GAS2L2: variants seen among roughly 807,000 people sequenced by gnomAD.
GAS2L2 encodes GAS2-like protein 2.
Under a neutral mutation model 35.2 loss-of-function variants are expected in GAS2L2, and 21 were observed. The ratio of observed to expected loss-of-function variants is 0.60; its 90% confidence interval spans 0.42 to 0.86. The LOEUF is 0.86. Ranked by LOEUF, GAS2L2 falls within the 40% of genes least tolerant of loss-of-function variation. The probability of loss-of-function intolerance (pLI) is 0.00; values close to 1 mark genes in which losing one functional copy is unlikely to be tolerated. For missense variants in GAS2L2, 1,169 were observed against 1,144.4 expected (o/e 1.02, Z -0.31); for synonymous variants, 490 against 473.2 (o/e 1.04, Z -0.46).
rs143661487 is a variant in GAS2L2, at chr17:35,746,373, G to C, written c.1124C>G (p.Pro375Arg). ...GCTGGGTGGGCTGTCCCCAGCTGTCGGCTGCCTCCAAGATGGGATGAGAGA... is the reference window on the plus strand; with the variant it reads ...GCTGGGTGGGCTGTCCCCAGCTGTCCGCTGCCTCCAAGATGGGATGAGAGA... ...ERSLIPSWRQPTAGDSPPSPQ... is the reference protein window; with the variant it reads ...ERSLIPSWRQRTAGDSPPSPQ... The change falls in exon 6 of 6, where the codon CCG (proline) becomes CGG (arginine). Residue 375 changes from proline (P) to arginine (R), a missense_variant. Physicochemically the swap from Pro to Arg is moderately radical, Grantham distance 103. Coordinates refer to ENST00000604641, the MANE Select transcript of GAS2L2 (RefSeq NM_139285.4). The C allele has an allele frequency of 1.5e-6, 2 of 1,351,156 alleles. 1 individual carries two copies. Among genetic ancestry groups the C allele is most frequent in the Middle Eastern group, 4.0e-4 (2 of 5,044 alleles). 83.7% of individuals were successfully genotyped at this position (1,351,156 alleles called of 1,614,324 possible). A position where few individuals can be genotyped will look rare whatever the true frequency, so the allele number is the denominator to read the frequency against.
At chr17:35,751,142 GA>G (rs2085700857) in intron 1 of GAS2L2, among the ~76,000 whole-genome samples, 4 of 152,090 alleles carry the variant, frequency 2.6e-5, no homozygotes, top group African/African-American at 9.7e-5. Flanking sequence ...CAAGGCCAAT[GA>G]GATGAAGGAT....
Position 35,749,226 on chromosome 17 carries a change from G to T in GAS2L2, c.628-9C>A. On this transcript the variant is annotated splice_polypyrimidine_tract_variant and intron_variant, in intron 2 of 5. Coordinates refer to ENST00000604641, the MANE Select transcript of GAS2L2 (RefSeq NM_139285.4). ...CTCACAAGGCTCTGCACCTGCGGGC[G>T]GGTGGTGAACTCAGCCCTCTCCTTT... The T allele has an allele frequency of 6.3e-7, 1 of 1,595,642 alleles. No individual in the cohort carries two copies. Among genetic ancestry groups the T allele is most frequent in the African/African-American group, 1.3e-5 (1 of 74,612 alleles).
chr17:35,752,425 G>C, intron 1 of GAS2L2, 41 bp downstream of exon 1: 1 of 1,528,352 alleles, frequency 6.5e-7, no homozygotes, highest in Non-Finnish European at 8.8e-7. Context: ...TACCCCCCAA[G>C]ATAAGCATCT....
rs782752408 is a variant in GAS2L2, at chr17:35,746,358, C to A, written c.1139G>T (p.Ser380Ile). 2.9e-5 allele frequency: 39 copies of A among 1,357,758 alleles called. 1 individual carries two copies. Among genetic ancestry groups the A allele is most frequent in the Non-Finnish European group, 3.7e-5 (39 of 1,047,446 alleles). The allele number at this position is 1,357,758 out of a possible 1,614,324, so 84.1% of individuals were successfully genotyped here. A position where few individuals can be genotyped will look rare whatever the true frequency, so the allele number is the denominator to read the frequency against. Reference sequence around the variant, plus strand: ...AGATGAGGACTGGGGGCTGGGTGGGCTGTCCCCAGCTGTCGGCTGCCTCCA... The same window carrying A: ...AGATGAGGACTGGGGGCTGGGTGGGATGTCCCCAGCTGTCGGCTGCCTCCA... ...PSWRQPTAGD[S>I]PPSPQSSSTQ... The change falls in exon 6 of 6, where the codon AGC becomes ATC. Residue 380 changes from serine (S) to isoleucine (I), a missense_variant. Physicochemically the swap from Ser to Ile is moderately radical, Grantham distance 142. Around this residue, in one of 3 missense-constraint regions of GAS2L2, gnomAD observed 1,035 missense variants for 976.5 expected, o/e 1.06. Transcript: ENST00000604641.
At chr17:35,747,714 C>G (rs1307320191) in intron 4 of GAS2L2, 135 bp downstream of exon 4, 4 of 692,946 alleles carry the variant, frequency 5.8e-6, no homozygotes, top group Non-Finnish European at 1.0e-5. Context: ...CTTCCTCCAG[C>G]CTCCCCCACA....
In GAS2L2 at chr17:35,745,560, T is replaced by C; in HGVS notation, c.1937A>G (p.Glu646Gly). ...YIPRLAGQWPEPGGPYDKAIQ... is the reference protein window; with the variant it reads ...YIPRLAGQWPGPGGPYDKAIQ... Reference sequence around the variant, plus strand: ...GGCTTTGTCATAAGGACCCCCAGGCTCAGGCCACTGCCCAGCCAGCCTGGG... The same window carrying C: ...GGCTTTGTCATAAGGACCCCCAGGCCCAGGCCACTGCCCAGCCAGCCTGGG... The change falls in exon 6 of 6, where the codon GAG becomes GGG. Residue 646 changes from glutamate to glycine, a missense_variant. This residue lies in a region of GAS2L2 where 1,035 missense variants were observed against 976.5 expected (regional missense o/e 1.06). Coordinates refer to ENST00000604641, the MANE Select transcript of GAS2L2 (RefSeq NM_139285.4). The C allele has an allele frequency of 6.2e-7, 1 of 1,613,654 alleles. No individual in the cohort carries two copies. Among genetic ancestry groups the C allele is most frequent in the Non-Finnish European group, 8.5e-7 (1 of 1,179,942 alleles).
rs782135675 is a variant in GAS2L2 at position 35,747,208 on chromosome 17, A to G, written c.893T>C (p.Val298Ala). 1 of 1,613,830 alleles carries G rather than the reference A, an allele frequency of 6.2e-7. No individual in the cohort carries two copies. Residue 298 changes from valine to alanine, a missense_variant, in exon 5 of 6, where the codon GTA (valine) becomes GCA (alanine). Transcript: ENST00000604641. ...CTGGGTCTGTGAGGGTCCATCCTGT[A>G]CCCTTACTTCATGCTGCACTGGTGG... is the stretch of plus-strand genomic sequence containing the variant. ...PAPPVQHEVR[V>A]QDGPSQTQPT...
rs782814341 is a variant in GAS2L2 at position 35,745,676 on chromosome 17, C to A, written c.1821G>T (p.Glu607Asp). Residue 607 changes from glutamate (E) to aspartate (D), a missense_variant, in exon 6 of 6, where the codon GAG becomes GAT. Glu to Asp is a conservative substitution (Grantham distance 45). Coordinates refer to ENST00000604641, the MANE Select transcript of GAS2L2 (RefSeq NM_139285.4). Reference protein sequence around the residue: ...EQAIYCSLEEEILGNMKLLEV... With the variant: ...EQAIYCSLEEDILGNMKLLEV... ...CTAGCAGCTTCATGTTGCCCAAAAT[C>A]TCCTCTTCAAGGCTACAGTAGATGG... The A allele has an allele frequency of 4.9e-5, 79 of 1,613,916 alleles. No individual in the cohort carries two copies. Among genetic ancestry groups the A allele is most frequent in the Non-Finnish European group, 6.4e-5 (76 of 1,180,052 alleles).
Position 35,746,213 on chromosome 17 carries a change from C to G in GAS2L2, c.1284G>C (p.Trp428Cys). 6.8e-7 allele frequency: 1 copy of G among 1,480,814 alleles called. No homozygotes were observed. Among genetic ancestry groups the G allele is most frequent in the Non-Finnish European group, 9.0e-7 (1 of 1,114,596 alleles). The allele number at this position is 1,480,814 out of a possible 1,614,324, so 91.7% of individuals were successfully genotyped here. Residue 428 changes from tryptophan to cysteine, a missense_variant, in exon 6 of 6, where the codon TGG (tryptophan) becomes TGC (cysteine). Coordinates refer to ENST00000604641, the MANE Select transcript of GAS2L2 (RefSeq NM_139285.4). The stretch of plus-strand genomic sequence containing the variant: ...GGGTGGGGTTCCCGGCGTCGGTTCC[C>G]CAGCTGTCTGTTTCTTCATGAACCC... The part of the protein sequence containing the change: ...TSWVHEETDS[W>C]GTDAGNPTPQ...
At chr17:35,747,766 T>TCCAGCCTCCCAA in intron 4 of GAS2L2, 83 bp downstream of exon 4, 2 of 1,119,122 alleles carry the variant, frequency 1.8e-6, no homozygotes, top group Non-Finnish European at 2.7e-6. Flanking sequence ...CAGACATACC[T>TCCAGCCTCCCAA]CCCACCTCTG....
chr17:35,749,344 A>AGGG (rs1189304408), intron 2 of GAS2L2, 127 bp from the exon 3 acceptor site: 4 of 624,478 alleles, frequency 6.4e-6, no homozygotes, highest in East Asian at 5.5e-5. Context: ...AGAAGCAAGG[A>AGGG]GGGAGTAGAT....
chr17:35,752,366 C>T (rs2085708809), intron 1 of GAS2L2, 100 bp downstream of exon 1: 6 of 1,219,876 alleles, frequency 4.9e-6, no homozygotes, highest in Non-Finnish European at 3.4e-6. Context: ...GAATGAGGAT[C>T]CAGGCTCCTG....
chr17:35,748,038 T>G, intron 3 of GAS2L2, 93 bp from the exon 4 acceptor site: 1 of 867,486 alleles, frequency 1.2e-6, no homozygotes, highest in South Asian at 1.5e-5. Flanking sequence ...TCAGGGATGC[T>G]CTCATCCATG....
chr17:35,744,898 G>A lies in GAS2L2; in HGVS notation c.2599C>T (p.Leu867Phe), dbSNP rs148201681. ...QPPEGLQPHW[L>F]NQAPLPPEEE... ...TCAGGTGGAAGTGGAGCTTGATTAA[G>A]CCAGTGAGGTTGCAGGCCCTCTGGA... Residue 867 changes from leucine to phenylalanine, a missense_variant, in exon 6 of 6, where the codon CTT becomes TTT. Transcript: ENST00000604641. 24 of 1,609,276 alleles carry A rather than the reference G, an allele frequency of 1.5e-5. No homozygotes were observed. In the African/African-American group the frequency reaches 2.8e-4, roughly 19 times the overall value.
intron 1 of GAS2L2, among the ~76,000 whole-genome samples, chr17:35,752,180 C>G (rs2143023209): frequency 6.6e-6 from 1 of 152,310 alleles, no homozygotes. Flanking sequence ...GGGTCTCTTT[C>G]CTCTCTTTCC....
Position 35,744,728 on chromosome 17 carries a change from T to C in GAS2L2, c.*126A>G. ...GCAGATGGAGTCTATATTTGTCTTC[T>C]GACCCACTCCTGCCCAAGGCCCTGT... On this transcript the variant is annotated 3_prime_UTR_variant, in exon 6 of 6. Coordinates refer to ENST00000604641, the MANE Select transcript of GAS2L2 (RefSeq NM_139285.4). 1.4e-6 allele frequency: 1 copy of C among 732,852 alleles called. No homozygotes were observed. The highest frequency in any genetic ancestry group is 2.2e-6 in the Non-Finnish European group (1 of 449,746). The allele number at this position is 732,852 out of a possible 1,614,324, so 45.4% of individuals were successfully genotyped here. A position where few individuals can be genotyped will look rare whatever the true frequency, so the allele number is the denominator to read the frequency against.
rs1555599612 is a variant in GAS2L2 at position 35,750,275 on chromosome 17, G to C, written c.429C>G (p.Asn143Lys). The change falls in exon 2 of 6, where the codon AAC becomes AAG. Residue 143 changes from asparagine to lysine, a missense_variant. Asn to Lys is a moderately conservative substitution (Grantham distance 94). Coordinates refer to ENST00000604641, the MANE Select transcript of GAS2L2 (RefSeq NM_139285.4). Reference sequence around the variant, plus strand: ...GCAAACACAGCACCACGTTCTTCACGTTCTTGCGCAGCACCAAGTCCTCCG... The same window carrying C: ...GCAAACACAGCACCACGTTCTTCACCTTCTTGCGCAGCACCAAGTCCTCCG... ...FETEDLVLRKNVKNVVLCLLE... is the reference protein window; with the variant it reads ...FETEDLVLRKKVKNVVLCLLE... 1 of 1,613,946 alleles carries C rather than the reference G, an allele frequency of 6.2e-7. No individual in the cohort carries two copies. Among genetic ancestry groups the C allele is most frequent in the East Asian group, 2.2e-5 (1 of 44,876 alleles).
At position 35,752,868 on chromosome 17, in the gene GAS2L2, G is replaced by A; in HGVS notation, c.-18C>T. The stretch of plus-strand genomic sequence containing the variant: ...TGGGACATGGCTGGACCCCAGCAGG[G>A]CAGGAGGTGGGCACCTCCCCTCTCC... On this transcript the variant is annotated 5_prime_UTR_variant, in exon 1 of 6. Transcript: ENST00000604641. 6.4e-7 allele frequency: 1 copy of A among 1,571,204 alleles called. No homozygotes were observed. Among genetic ancestry groups the A allele is most frequent in the South Asian group, 1.1e-5 (1 of 88,520 alleles).
chr17:35,747,729 C>A, intron 4 of GAS2L2, 120 bp downstream of exon 4: 1 of 782,770 alleles, frequency 1.3e-6, no homozygotes, highest in Non-Finnish European at 2.2e-6. Context: ...CCCACACCTC[C>A]CCACCTACCG....
Sources: gnomAD v4.1 joint callset for allele counts (sites outside exome capture counted in the v4.1 genomes callset) on GRCh38, gnomAD v4.1.1 for gene constraint, gnomAD v4.1.1 regional missense constraint, MANE v1.5 for transcripts, NCBI Gene and HGNC (gene_info 2026-07-23, HGNC 2026-07-21) for gene names.